The following SIPA1L1 variants were observed in gnomAD, a reference collection of about 807,000 sequenced individuals.
The protein encoded by SIPA1L1 is signal-induced proliferation-associated 1-like protein 1.
Under a neutral mutation model 162.7 loss-of-function variants are expected in SIPA1L1, and 26 were observed. The observed-to-expected ratio is 0.16, with a 90% CI of 0.12 to 0.22. SIPA1L1 has a LOEUF of 0.22. Ranked by LOEUF, SIPA1L1 falls within the 10% of genes least tolerant of loss-of-function variation. The pLI is 1.00. For synonymous variants in SIPA1L1, 829 were observed against 837.4 expected, an observed-to-expected ratio of 0.99 and a Z score of 0.17; for missense variants, 1,874 against 2,241.0, an observed-to-expected ratio of 0.84 and a Z score of 3.31.
At chr14:71,477,441 C>T (rs369888495) in intron 2 of SIPA1L1, among the ~76,000 whole-genome samples, 5 of 152,148 alleles carry the variant, frequency 3.3e-5, no homozygotes, top group African/African-American at 1.2e-4. Flanking sequence ...CGATAGTGTT[C>T]TCTCTGGGAT....
intron 16 of SIPA1L1, among the ~76,000 whole-genome samples, chr14:71,706,795 A>T (rs1213970324): frequency 1.3e-5 from 2 of 152,130 alleles, no homozygotes; most frequent in African/African-American, 4.8e-5. Flanking sequence ...GCACTTTGGA[A>T]TGCCTAGGCA....
At chr14:71,522,554 A>G (rs964515027) in intron 3 of SIPA1L1, among the ~76,000 whole-genome samples, 2 of 152,326 alleles carry the variant, frequency 1.3e-5, no homozygotes, top group East Asian at 3.9e-4. Flanking sequence ...TCCTTTGAGC[A>G]TCATGTCAGC....
intron 5 of SIPA1L1, among the ~76,000 whole-genome samples, chr14:71,614,420 T>C (rs145118611): frequency 6.4e-4 from 98 of 152,294 alleles, no homozygotes; most frequent in African/African-American, 2.2e-3. Context: ...AGAGCTTTTA[T>C]TGTAAAAATA....
intron 2 of SIPA1L1, among the ~76,000 whole-genome samples, chr14:71,409,551 A>AC (rs2042261901): frequency 6.6e-6 from 1 of 152,206 alleles, no homozygotes; most frequent in Admixed American, 6.5e-5. Context: ...TAGTAAAAGG[A>AC]CTGGGTCCTT....
rs1286964426 is a variant in SIPA1L1, at chr14:71,502,835, C to T, written c.-464-9908C>T. Among the ~76,000 whole-genome samples, 10 of 152,170 alleles carry T rather than the reference C, an allele frequency of 6.6e-5. No individual in the cohort carries two copies. The South Asian group carries it at 1.2e-3, about 19-fold the overall frequency. The stretch of plus-strand genomic sequence containing the variant: ...TAATGAAGTTCTTTATGTTTCTTTC[C>T]CTGTTATACTCTGATTTTCTTAAGG... On this transcript the variant is annotated intron_variant, in intron 2 of 23. Transcript: ENST00000381232.
chr14:71,589,555 T>C (rs55861672), intron 5 of SIPA1L1, among the ~76,000 whole-genome samples, 185 bp downstream of exon 5: 4 of 152,222 alleles, frequency 2.6e-5, no homozygotes, highest in African/African-American at 7.2e-5. Context: ...AGTTACTTTC[T>C]CCTTTCAGAT....
Position 71,588,004 on chromosome 14 carries a change from C to G in SIPA1L1, c.132C>G (p.Gly44=). ...FYMRRFRSQN[G]SLGSSVMAPV... ...TGCGGCGCTTCCGGTCCCAAAATGG[C>G]AGCTTAGGATCATCAGTTATGGCTC... is the stretch of plus-strand genomic sequence containing the variant. Residue 44 remains glycine (G), a synonymous_variant, in exon 5 of 24, where the codon GGC becomes GGG. Coordinates refer to ENST00000381232, the MANE Select transcript of SIPA1L1 (RefSeq NM_001386936.1). The surrounding 1 kb of genome is among the most constrained non-coding windows in gnomAD (Gnocchi z 4.3). 1 of 1,614,134 alleles carries G rather than the reference C, an allele frequency of 6.2e-7. No individual in the cohort carries two copies. Among genetic ancestry groups the G allele is most frequent in the Non-Finnish European group, 8.5e-7 (1 of 1,179,986 alleles).
intron 2 of SIPA1L1, among the ~76,000 whole-genome samples, chr14:71,508,742 T>C (rs2050875745): frequency 6.6e-6 from 1 of 152,240 alleles, no homozygotes; most frequent in South Asian, 2.1e-4. Context: ...AAAAACATAG[T>C]CTTTGTTTTT....
chr14:71,561,989 CG>C (rs2056833278), intron 4 of SIPA1L1, among the ~76,000 whole-genome samples: 1 of 152,120 alleles, frequency 6.6e-6, no homozygotes, highest in African/African-American at 2.4e-5. Flanking sequence ...TATTTTTTCA[CG>C]TTGTAAAATG....
chr14:71,667,127 C>G (rs147830005), intron 10 of SIPA1L1, among the ~76,000 whole-genome samples: 357 of 152,222 alleles, frequency 2.3e-3, no homozygotes, highest in Non-Finnish European at 3.8e-3. Context: ...GGCCTCCTGT[C>G]TCTCAGTCTC....
chr14:71,572,040 G>A (rs2032164275), intron 4 of SIPA1L1, among the ~76,000 whole-genome samples: 1 of 152,160 alleles, frequency 6.6e-6, no homozygotes, highest in African/African-American at 2.4e-5. Flanking sequence ...GGACTCTGCA[G>A]CATCCCGAGA....
intron 5 of SIPA1L1, among the ~76,000 whole-genome samples, chr14:71,617,846 C>T (rs985127956): frequency 2.6e-5 from 4 of 152,068 alleles, no homozygotes; most frequent in African/African-American, 9.7e-5. Flanking sequence ...GTTTGAAAAA[C>T]AAATTATCTG....
At chr14:71,392,318 C>T (rs187150490) in intron 2 of SIPA1L1, among the ~76,000 whole-genome samples, 10 of 152,260 alleles carry the variant, frequency 6.6e-5, no homozygotes, top group African/African-American at 2.2e-4. Context: ...CGCCTGTCAC[C>T]GAGCCTTGTT....
At chr14:71,426,894 T>C (rs576640836) in intron 2 of SIPA1L1, among the ~76,000 whole-genome samples, 1 of 152,356 alleles carries the variant, frequency 6.6e-6, no homozygotes, top group South Asian at 2.1e-4. Flanking sequence ...ATACCTTGTG[T>C]GCTCAAAAAC....
At chr14:71,327,871 G>A (rs1339131118) in intron 2 of SIPA1L1, among the ~76,000 whole-genome samples, 1 of 152,162 alleles carries the variant, frequency 6.6e-6, no homozygotes, top group Non-Finnish European at 1.5e-5. Context: ...TACGAAGAGA[G>A]TGCTCTGTGT....
At chr14:71,487,205 G>A (rs941512360) in intron 2 of SIPA1L1, among the ~76,000 whole-genome samples, 6 of 152,142 alleles carry the variant, frequency 3.9e-5, no homozygotes, top group African/African-American at 7.2e-5. Context: ...TCACATGCGT[G>A]CTGTTTTCCC....
chr14:71,710,143 T>C (rs1046927949), intron 17 of SIPA1L1, among the ~76,000 whole-genome samples: 1 of 152,256 alleles, frequency 6.6e-6, no homozygotes, highest in Non-Finnish European at 1.5e-5. Context: ...TTACCTGATA[T>C]TTACATTGTA....
At chr14:71,738,175 A>G in intron 22 of SIPA1L1, 66 bp from the exon 23 acceptor site, 2 of 787,982 alleles carry the variant, frequency 2.5e-6, no homozygotes, top group South Asian at 2.0e-5. Context: ...AAAAAAAAAA[A>G]AAAAAAAAAA....
chr14:71,365,462 G>A (rs1295905944), intron 2 of SIPA1L1, among the ~76,000 whole-genome samples: 1 of 152,120 alleles, frequency 6.6e-6, no homozygotes, highest in Non-Finnish European at 1.5e-5. Flanking sequence ...AGACCCTGAG[G>A]TTATTAGTCA....
Sources: gnomAD v4.1 joint callset for allele counts (sites outside exome capture counted in the v4.1 genomes callset) on GRCh38, gnomAD v4.1.1 for gene constraint, Gnocchi (gnomAD v3.1) non-coding constraint, MANE v1.5 for transcripts, NCBI Gene and HGNC (gene_info 2026-07-23, HGNC 2026-07-21) for gene names.